DZIP3: variants seen among roughly 807,000 people sequenced by gnomAD.
DZIP3 encodes E3 ubiquitin-protein ligase DZIP3.
DZIP3 carries 118 observed loss-of-function variants against 162.0 expected under a neutral mutation model. That is an observed-to-expected ratio of 0.73 (90% CI 0.63 to 0.85). The LOEUF is 0.85. DZIP3 is among the 40% of genes least tolerant of loss of function. DZIP3 has a pLI of 0.00. For synonymous variants in DZIP3, 438 were observed against 458.6 expected (o/e 0.96, Z 0.57); for missense variants, 1,331 against 1,407.0 (o/e 0.95, Z 0.86).
intron 19 of DZIP3, among the ~76,000 whole-genome samples, chr3:108,658,766 A>G (rs1173350184): frequency 1.3e-5 from 2 of 152,204 alleles, no homozygotes; most frequent in Non-Finnish European, 2.9e-5. Context: ...AGAAGAAAAG[A>G]GAGAAGAATC....
At chr3:108,630,770 AAT>A (rs959014337) in intron 8 of DZIP3, among the ~76,000 whole-genome samples, 4 of 151,534 alleles carry the variant, frequency 2.6e-5, no homozygotes, top group Non-Finnish European at 4.4e-5. Flanking sequence ...TATGCACAAT[AAT>A]ATATATATAT....
At chr3:108,591,059 A>C (rs1223928020) in intron 1 of DZIP3, among the ~76,000 whole-genome samples, 1 of 152,216 alleles carries the variant, frequency 6.6e-6, no homozygotes, top group Non-Finnish European at 1.5e-5. Flanking sequence ...TTGATAAGGG[A>C]AATGGGAAGG....
chr3:108,684,512 T>C (rs1430077858), intron 27 of DZIP3, among the ~76,000 whole-genome samples, 171 bp downstream of exon 27: 1 of 152,174 alleles, frequency 6.6e-6, no homozygotes, highest in Non-Finnish European at 1.5e-5. Context: ...GTGTTACATA[T>C]ATTATTTAAC....
At chr3:108,616,505 A>T (rs1179736726) in intron 4 of DZIP3, 36 bp from the exon 5 acceptor site, 1 of 1,395,704 alleles carries the variant, frequency 7.2e-7, no homozygotes, top group Non-Finnish European at 1.0e-6. Context: ...GTTTGTTCAG[A>T]CTTATAGACA....
intron 26 of DZIP3, among the ~76,000 whole-genome samples, chr3:108,682,480 C>T (rs558273419): frequency 2.7e-5 from 4 of 150,784 alleles, no homozygotes; most frequent in African/African-American, 9.9e-5. Context: ...ATGGATGACC[C>T]TGGAGGACGT....
At chr3:108,668,816 A>G (rs913402600) in intron 21 of DZIP3, among the ~76,000 whole-genome samples, 2 of 151,964 alleles carry the variant, frequency 1.3e-5, no homozygotes, top group East Asian at 1.9e-4. Flanking sequence ...TCCATCCAAC[A>G]TTAAAGTCGT....
At chr3:108,622,903 G>T (rs1941431304) in intron 5 of DZIP3, among the ~76,000 whole-genome samples, 1 of 90,002 alleles carries the variant, frequency 1.1e-5, no homozygotes, top group Non-Finnish European at 2.3e-5. Flanking sequence ...TGTGTATGGA[G>T]CTGCCTGGAG....
chr3:108,618,489 C>T (rs1379049372), intron 5 of DZIP3, among the ~76,000 whole-genome samples: 1 of 152,194 alleles, frequency 6.6e-6, no homozygotes, highest in East Asian at 1.9e-4. Context: ...AACTTGCTAA[C>T]TTGACCAGGT....
chr3:108,630,166 G>C (rs1037944147), intron 8 of DZIP3, among the ~76,000 whole-genome samples: 2 of 151,818 alleles, frequency 1.3e-5, no homozygotes, highest in Non-Finnish European at 1.5e-5. Flanking sequence ...TTTACCTTTT[G>C]GGTAATTATT....
chr3:108,666,819 A>G (rs552615123), intron 21 of DZIP3, among the ~76,000 whole-genome samples: 1 of 152,282 alleles, frequency 6.6e-6, no homozygotes, highest in South Asian at 2.1e-4. Flanking sequence ...AGCTCTCAAG[A>G]GAAAATACAT....
At chr3:108,643,529 C>T (rs1942489378) in intron 13 of DZIP3, among the ~76,000 whole-genome samples, 1 of 151,046 alleles carries the variant, frequency 6.6e-6, no homozygotes, top group African/African-American at 2.4e-5. Flanking sequence ...ATGCTTGATG[C>T]TGCTGGTCTC....
At chr3:108,672,513 C>T (rs192914737) in intron 22 of DZIP3, 47 bp from the exon 23 acceptor site, 360 of 1,467,112 alleles carry the variant, frequency 2.5e-4, no homozygotes, top group Non-Finnish European at 4.9e-5. Context: ...ATGAAAAAGG[C>T]TCTGCTTGAT....
intron 1 of DZIP3, among the ~76,000 whole-genome samples, chr3:108,600,701 T>C (rs1939958040): frequency 1.3e-5 from 2 of 152,302 alleles, no homozygotes; most frequent in Admixed American, 1.3e-4. Context: ...ATGGTGATGA[T>C]AGGAACACTT....
intron 10 of DZIP3, among the ~76,000 whole-genome samples, chr3:108,635,782 T>C (rs1177295643): frequency 6.6e-6 from 1 of 151,370 alleles, no homozygotes; most frequent in East Asian, 1.9e-4. Flanking sequence ...AATTACTCTT[T>C]AGTGAGCTGA....
intron 18 of DZIP3, 82 bp downstream of exon 18, chr3:108,651,244 C>T (rs1942853987): frequency 1.2e-5 from 6 of 484,004 alleles, no homozygotes; most frequent in Non-Finnish European, 1.7e-5. Flanking sequence ...GGCTTCCTTC[C>T]TTTGGGAAGT....
chr3:108,641,044 T>C (rs1942378868), intron 12 of DZIP3, among the ~76,000 whole-genome samples: 1 of 152,100 alleles, frequency 6.6e-6, no homozygotes, highest in Non-Finnish European at 1.5e-5. Flanking sequence ...TATCTGTCTT[T>C]ATTGTTTATT....
chr3:108,682,295 T>A (rs1944348973), intron 26 of DZIP3, among the ~76,000 whole-genome samples: 1 of 150,818 alleles, frequency 6.6e-6, no homozygotes, highest in South Asian at 2.1e-4. Context: ...GGACATGAAG[T>A]CAAGTATCCT....
chr3:108,653,525 A>G (rs1377553105), intron 18 of DZIP3, among the ~76,000 whole-genome samples: 5 of 145,058 alleles, frequency 3.4e-5, no homozygotes, highest in Non-Finnish European at 7.6e-5. Flanking sequence ...ATATATATAT[A>G]TATATATATA....
chr3:108,593,191 T>C (rs1274583824), intron 1 of DZIP3, among the ~76,000 whole-genome samples: 1 of 152,236 alleles, frequency 6.6e-6, no homozygotes, highest in East Asian at 1.9e-4. Context: ...AATAATAGTT[T>C]ACACTTATTG....
Sources: gnomAD v4.1 joint callset for allele counts (sites outside exome capture counted in the v4.1 genomes callset) on GRCh38, gnomAD v4.1.1 for gene constraint, MANE v1.5 for transcripts, NCBI Gene and HGNC (gene_info 2026-07-23, HGNC 2026-07-21) for gene names.